HS3ST4: variants seen among roughly 807,000 people sequenced by gnomAD.
HS3ST4 encodes heparan sulfate glucosamine 3-O-sulfotransferase 4.
Under a neutral mutation model 29.2 loss-of-function variants are expected in HS3ST4, and 17 were observed. The observed-to-expected ratio is 0.58, with a 90% confidence interval of 0.40 to 0.87. The LOEUF (loss-of-function observed/expected upper bound fraction) is 0.87. Ranked by LOEUF, HS3ST4 falls within the 40% of genes least tolerant of loss-of-function variation. The pLI is 0.00. For missense variants in HS3ST4, 627 were observed against 634.5 expected (o/e 0.99, Z 0.13); for synonymous variants, 314 against 285.7 (o/e 1.10, Z -1.00).
intron 1 of HS3ST4, among the ~76,000 whole-genome samples, chr16:25,730,278 A>C (rs1225399292): frequency 6.6e-6 from 1 of 152,122 alleles, no homozygotes. Flanking sequence ...AACAGTAAGA[A>C]AGTTGGTACT....
chr16:25,838,258 G>C (rs1373346683), intron 1 of HS3ST4, among the ~76,000 whole-genome samples: 1 of 152,220 alleles, frequency 6.6e-6, no homozygotes, highest in East Asian at 1.9e-4. Flanking sequence ...CTTAGCTTTA[G>C]TGGGACTACA....
intron 1 of HS3ST4, among the ~76,000 whole-genome samples, chr16:25,911,952 C>G (rs1037560243): frequency 1.8e-4 from 27 of 152,160 alleles, no homozygotes; most frequent in African/African-American, 5.6e-4. Flanking sequence ...TGTCTAAATG[C>G]AGCACGGAAC....
At chr16:25,805,059 A>G (rs566926306) in intron 1 of HS3ST4, among the ~76,000 whole-genome samples, 1 of 152,274 alleles carries the variant, frequency 6.6e-6, no homozygotes, top group African/African-American at 2.4e-5. Flanking sequence ...AAGTGTGTTA[A>G]GACCCCAGAG....
intron 1 of HS3ST4, among the ~76,000 whole-genome samples, chr16:25,919,198 T>A (rs559217694): frequency 2.3e-4 from 35 of 152,196 alleles, no homozygotes; most frequent in South Asian, 1.7e-3. Flanking sequence ...TGGCTAATTT[T>A]AAAATTTTTT....
intron 1 of HS3ST4, among the ~76,000 whole-genome samples, chr16:26,064,540 T>C (rs1209919235): frequency 2.0e-5 from 3 of 151,386 alleles, no homozygotes; most frequent in African/African-American, 4.9e-5. Flanking sequence ...CCAGAGTAGT[T>C]CAGATAGATT....
At chr16:26,070,552 A>C (rs1898590759) in intron 1 of HS3ST4, among the ~76,000 whole-genome samples, 1 of 152,236 alleles carries the variant, frequency 6.6e-6, no homozygotes, top group Non-Finnish European at 1.5e-5. Context: ...CTAAGTTTTC[A>C]GACTGTATGT....
intron 1 of HS3ST4, among the ~76,000 whole-genome samples, chr16:25,720,222 C>A (rs1286435049): frequency 6.6e-6 from 1 of 152,112 alleles, no homozygotes; most frequent in Non-Finnish European, 1.5e-5. Context: ...AGCCTTAATG[C>A]ATGGCTGTGA....
rs567021304 is a variant in HS3ST4 at position 26,002,589 on chromosome 16, G to A, written c.735-133023G>A. On this transcript the variant is annotated intron_variant, in intron 1 of 1. Coordinates refer to ENST00000331351, the MANE Select transcript of HS3ST4 (RefSeq NM_006040.3). ...TGCCACTCATTCCAGCCTGGGTGGC[G>A]GAGCGAGACACTGCCAAATAGTAAA... is the stretch of plus-strand genomic sequence containing the variant. Among the ~76,000 whole-genome samples the A allele has an allele frequency of 1.3e-4, 20 of 151,764 alleles. No individual in the cohort carries two copies. In the East Asian group the frequency reaches 3.9e-3, roughly 29 times the overall value.
chr16:26,033,944 G>A (rs905227222), intron 1 of HS3ST4, among the ~76,000 whole-genome samples: 1 of 152,144 alleles, frequency 6.6e-6, no homozygotes, highest in Non-Finnish European at 1.5e-5. Flanking sequence ...AATGTGGTTG[G>A]TAAGAGAACA....
At chr16:26,098,094 G>A (rs1340639941) in intron 1 of HS3ST4, among the ~76,000 whole-genome samples, 1 of 152,226 alleles carries the variant, frequency 6.6e-6, no homozygotes, top group Admixed American at 6.5e-5. Flanking sequence ...ACAGATGCCA[G>A]AGAGGATGTG....
chr16:26,056,040 CAGAGAGAGAGAG>C (rs55688033), intron 1 of HS3ST4, among the ~76,000 whole-genome samples: 4,645 of 147,840 alleles, frequency 0.031, 72 homozygotes, highest in South Asian at 0.044. Flanking sequence ...AAGAGAGAGA[CAGAGAGAGAGAG>C]AGAGAGAGAG....
chr16:25,731,786 C>G (rs1330272089), intron 1 of HS3ST4, among the ~76,000 whole-genome samples: 1 of 152,190 alleles, frequency 6.6e-6, no homozygotes, highest in Non-Finnish European at 1.5e-5. Flanking sequence ...CACACTGCCA[C>G]AGTCACACAG....
At chr16:25,928,216 T>G (rs969141987) in intron 1 of HS3ST4, among the ~76,000 whole-genome samples, 1 of 149,382 alleles carries the variant, frequency 6.7e-6, no homozygotes, top group African/African-American at 2.5e-5. Flanking sequence ...AAAAAAAAAT[T>G]TAGCCAGGCA....
chr16:25,916,319 G>A lies in HS3ST4; in HGVS notation c.735-219293G>A, dbSNP rs536951683. On this transcript the variant is annotated intron_variant, in intron 1 of 1. Transcript: ENST00000331351. ...AGATTTCCCACCCAGAAATTTACAG[G>A]GGCCTGATTTATTACTTCCTTTGTT... Among the ~76,000 whole-genome samples, 10 of 152,204 alleles carry A rather than the reference G, an allele frequency of 6.6e-5. No homozygotes were observed. In the East Asian group the frequency reaches 1.9e-3, roughly 29 times the overall value.
At chr16:25,767,235 A>C (rs1187571333) in intron 1 of HS3ST4, among the ~76,000 whole-genome samples, 2 of 152,210 alleles carry the variant, frequency 1.3e-5, no homozygotes, top group Non-Finnish European at 2.9e-5. Flanking sequence ...AGTCATCTGC[A>C]TGGTCGTACT....
chr16:25,845,039 G>T (rs1302130384), intron 1 of HS3ST4, among the ~76,000 whole-genome samples: 1 of 152,002 alleles, frequency 6.6e-6, no homozygotes, highest in Non-Finnish European at 1.5e-5. Context: ...ATACACTGAG[G>T]CCTGTTGGGG....
chr16:25,905,092 T>C (rs1054022307), intron 1 of HS3ST4, among the ~76,000 whole-genome samples: 1 of 151,776 alleles, frequency 6.6e-6, no homozygotes, highest in African/African-American at 2.4e-5. Context: ...AATGCTGGAG[T>C]ATAGAAAATA....
intron 1 of HS3ST4, among the ~76,000 whole-genome samples, chr16:25,871,316 G>T (rs1195541232): frequency 6.6e-6 from 1 of 152,192 alleles, no homozygotes; most frequent in African/African-American, 2.4e-5. Flanking sequence ...CCTTAAGCCA[G>T]AGCTGCCCAT....
At chr16:25,920,796 G>A (rs892838862) in intron 1 of HS3ST4, among the ~76,000 whole-genome samples, 2 of 151,648 alleles carry the variant, frequency 1.3e-5, no homozygotes, top group Non-Finnish European at 2.9e-5. Flanking sequence ...TTTTGGTGCA[G>A]ACAGGGTGAC....
Sources: allele counts gnomAD v4.1 joint callset (sites outside exome capture counted in the v4.1 genomes callset), GRCh38; gene constraint gnomAD v4.1.1; transcripts MANE v1.5; gene names NCBI Gene and HGNC (gene_info 2026-07-23, HGNC 2026-07-21).